The following CAB39 variants were observed in gnomAD, a reference collection of about 807,000 sequenced individuals.
The protein encoded by CAB39 is calcium-binding protein 39.
Under a neutral mutation model 40.0 loss-of-function variants are expected in CAB39, and 8 were observed. That is an observed-to-expected ratio of 0.20 (90% CI 0.12 to 0.36). The LOEUF is 0.36. Among genes scored for constraint, CAB39 ranks in the 10% least tolerant of loss-of-function variants. CAB39 has a pLI of 1.00. For missense variants in CAB39, 270 were observed against 401.1 expected (o/e 0.67, Z 2.79); for synonymous variants, 156 against 141.6 (o/e 1.10, Z -0.72).
rs1009240851 is a variant in CAB39, at chr2:230,819,643, A to G, written c.*939A>G. The G allele has an allele frequency of 6.6e-6, 1 of 152,558 alleles. No homozygotes were observed. Among genetic ancestry groups the G allele is most frequent in the Admixed American group, 6.5e-5 (1 of 15,270 alleles). The allele number at this position is 152,558 out of a possible 1,614,324, so 9.5% of individuals were successfully genotyped here. A position where few individuals can be genotyped will look rare whatever the true frequency, so the allele number is the denominator to read the frequency against. The stretch of plus-strand genomic sequence containing the variant: ...GATCACATGAAAATGCTGATTTAAC[A>G]TTTAAGTATCACAGCATTAAAAGAA... On this transcript the variant is annotated 3_prime_UTR_variant, in exon 9 of 9. Coordinates refer to ENST00000258418, the MANE Select transcript of CAB39 (RefSeq NM_016289.4).
intron 5 of CAB39, among the ~76,000 whole-genome samples, chr2:230,806,941 C>G (rs1696205968): frequency 6.6e-6 from 1 of 152,162 alleles, no homozygotes; most frequent in Non-Finnish European, 1.5e-5. Context: ...TCAGCCCAAA[C>G]TCAAGCTTTT....
Position 230,786,057 on chromosome 2 carries a change from G to A in CAB39, c.115-4815G>A, listed in dbSNP as rs1439740812. Among the ~76,000 whole-genome samples, 3 of 150,710 alleles carry A rather than the reference G, an allele frequency of 2.0e-5. No individual in the cohort carries two copies. In the East Asian group the frequency reaches 5.9e-4, roughly 30 times the overall value. Reference sequence around the variant, plus strand: ...CGGGTGCCTGTAGTCCCAGCTACTGGGGAGGCTGAGGCAGGAGAATGGCAT... The same window carrying A: ...CGGGTGCCTGTAGTCCCAGCTACTGAGGAGGCTGAGGCAGGAGAATGGCAT... On this transcript the variant is annotated intron_variant, in intron 2 of 8. Coordinates refer to ENST00000258418, the MANE Select transcript of CAB39 (RefSeq NM_016289.4).
chr2:230,804,781 A>G (rs1300783820), intron 5 of CAB39, among the ~76,000 whole-genome samples: 2 of 152,196 alleles, frequency 1.3e-5, no homozygotes, highest in Non-Finnish European at 2.9e-5. Context: ...AAATAGGGAC[A>G]CTTTTACACT....
At chr2:230,777,934 C>G (rs552287557) in intron 2 of CAB39, among the ~76,000 whole-genome samples, 2 of 152,286 alleles carry the variant, frequency 1.3e-5, no homozygotes, top group South Asian at 4.1e-4. Context: ...TAAAACTCTT[C>G]AATAACATTT....
chr2:230,724,436 C>T (rs1220972185), intron 1 of CAB39, among the ~76,000 whole-genome samples: 1 of 152,022 alleles, frequency 6.6e-6, no homozygotes, highest in Non-Finnish European at 1.5e-5. Context: ...AATCCCAGCA[C>T]TTTGGGAGGC....
chr2:230,790,733 A>C (rs1695879323), intron 2 of CAB39, 139 bp from the exon 3 acceptor site: 2 of 695,692 alleles, frequency 2.9e-6, no homozygotes, highest in South Asian at 3.7e-5. Flanking sequence ...GCAAGGATGG[A>C]GCTTGCCCAC....
chr2:230,718,801 G>C (rs1020964480), intron 1 of CAB39, among the ~76,000 whole-genome samples: 1 of 152,198 alleles, frequency 6.6e-6, no homozygotes, highest in Non-Finnish European at 1.5e-5. Context: ...AACTAGAGCA[G>C]AGTTTGGTTC....
At chr2:230,754,366 C>T (rs2124911035) in intron 1 of CAB39, among the ~76,000 whole-genome samples, 3 of 148,200 alleles carry the variant, frequency 2.0e-5, no homozygotes, top group African/African-American at 7.6e-5. Flanking sequence ...TTCTTCCGTC[C>T]CCTTCTGCCT....
chr2:230,816,647 A>G (rs1168686059), intron 7 of CAB39, among the ~76,000 whole-genome samples: 1 of 152,242 alleles, frequency 6.6e-6, no homozygotes, highest in Non-Finnish European at 1.5e-5. Flanking sequence ...AAGCAAAGCC[A>G]CAGAGCCGCT....
intron 6 of CAB39, among the ~76,000 whole-genome samples, chr2:230,812,895 G>A (rs534876055): frequency 2.6e-5 from 4 of 152,134 alleles, no homozygotes; most frequent in Non-Finnish European, 5.9e-5. Flanking sequence ...GTAAACAAAC[G>A]AGCATGGGAT....
intron 1 of CAB39, among the ~76,000 whole-genome samples, chr2:230,726,273 G>A (rs886718044): frequency 2.0e-5 from 3 of 151,544 alleles, no homozygotes; most frequent in African/African-American, 7.3e-5. Context: ...AGCAATTCTC[G>A]TGCCTTAGCC....
intron 2 of CAB39, among the ~76,000 whole-genome samples, chr2:230,775,185 G>A (rs1046578959): frequency 3.3e-5 from 5 of 151,272 alleles, no homozygotes; most frequent in Admixed American, 2.6e-4. Context: ...AATAATTTAA[G>A]CCTCATCATT....
chr2:230,712,988 C>G lies in CAB39; in HGVS notation c.-286C>G, dbSNP rs1372629355. Reference sequence around the variant, plus strand: ...CGGCGCCGGGCCCCACAGCAGCAGCCGCAGCCCAAGCGAGCGCAGCAGCGC... The same window carrying G: ...CGGCGCCGGGCCCCACAGCAGCAGCGGCAGCCCAAGCGAGCGCAGCAGCGC... On this transcript the variant is annotated 5_prime_UTR_variant, in exon 1 of 9. Coordinates refer to ENST00000258418, the MANE Select transcript of CAB39 (RefSeq NM_016289.4). The G allele has an allele frequency of 6.6e-6, 1 of 151,092 alleles. No individual in the cohort carries two copies. The highest frequency in any genetic ancestry group is 6.6e-5 in the Admixed American group (1 of 15,144). The allele number at this position is 151,092 out of a possible 1,614,324, so 9.4% of individuals were successfully genotyped here.
chr2:230,749,019 T>TTA (rs59897866), intron 1 of CAB39, among the ~76,000 whole-genome samples: 58 of 147,464 alleles, frequency 3.9e-4, no homozygotes, highest in African/African-American at 1.4e-3. Flanking sequence ...GTTTTTTTTT[T>TTA]AAACCAATTG....
At chr2:230,780,943 A>G (rs1007502189) in intron 2 of CAB39, among the ~76,000 whole-genome samples, 4 of 151,970 alleles carry the variant, frequency 2.6e-5, no homozygotes, top group Non-Finnish European at 5.9e-5. Flanking sequence ...GTGGTCAGAC[A>G]TGGTGGTGTG....
chr2:230,782,813 C>CTTTTTTT (rs1212977897), intron 2 of CAB39, among the ~76,000 whole-genome samples: 3 of 81,764 alleles, frequency 3.7e-5, no homozygotes, highest in African/African-American at 1.3e-4. Flanking sequence ...TTCTTTCTTT[C>CTTTTTTT]TTTTTTTTTT....
intron 8 of CAB39, 118 bp downstream of exon 8, chr2:230,818,015 G>T (rs1476229059): frequency 1.1e-6 from 1 of 897,870 alleles, no homozygotes; most frequent in African/African-American, 1.7e-5. Flanking sequence ...ATTAAATTCA[G>T]TCACTTTTCA....
At chr2:230,729,534 CT>C (rs1694648917) in intron 1 of CAB39, among the ~76,000 whole-genome samples, 2 of 151,932 alleles carry the variant, frequency 1.3e-5, no homozygotes, top group Admixed American at 1.3e-4. Flanking sequence ...GGTGGATCAC[CT>C]GAGGTCAGGA....
chr2:230,756,687 T>C (rs1575924521), intron 1 of CAB39, among the ~76,000 whole-genome samples: 1 of 151,586 alleles, frequency 6.6e-6, no homozygotes. Flanking sequence ...ATTTATTTAT[T>C]TATTTATTTA....
Sources: gnomAD v4.1 joint callset for allele counts (sites outside exome capture counted in the v4.1 genomes callset) on GRCh38, gnomAD v4.1.1 for gene constraint, MANE v1.5 for transcripts, NCBI Gene and HGNC (gene_info 2026-07-23, HGNC 2026-07-21) for gene names.